Variants in MED9 observed in about 807,000 individuals in gnomAD.
MED9 encodes mediator of RNA polymerase II transcription subunit 9.
A neutral mutation model predicts 13.2 loss-of-function variants in MED9; 8 were observed. That is an observed-to-expected ratio of 0.61 (90% CI 0.36 to 1.10). The LOEUF is 1.10. Among genes scored for constraint, MED9 ranks in the 50% least tolerant of loss-of-function variants. MED9 has a pLI of 0.02. For missense variants in MED9, 180 were observed against 193.4 expected (o/e 0.93, Z 0.41); for synonymous variants, 87 against 82.8 (o/e 1.05, Z -0.28).
rs1000820978 is a variant in MED9 at position 17,491,490 on chromosome 17, G to A, written c.436G>A (p.Glu146Lys). ...CCTCTGCATGTTCGAAATCCCCAAG[G>A]AGTAGAGTGAGGCTGACTTCCTTAG... ...KSLCMFEIPK[E>K] Residue 146 changes from glutamate to lysine, a missense_variant, in exon 2 of 2, where the codon GAG becomes AAG. Transcript: ENST00000268711. 3.7e-6 allele frequency: 6 copies of A among 1,610,172 alleles called. No homozygotes were observed. Among genetic ancestry groups the A allele is most frequent in the Non-Finnish European group, 5.1e-6 (6 of 1,176,764 alleles).
rs150323027 is a variant in MED9 at position 17,491,387 on chromosome 17, C to G, written c.333C>G (p.Pro111=). The change falls in exon 2 of 2, where the codon CCC becomes CCG. Residue 111 remains proline, a synonymous_variant. Coordinates refer to ENST00000268711, the MANE Select transcript of MED9 (RefSeq NM_018019.3). ...ISTMPGIHLS[P]EQQQQQLQSL... ...CCATGCCCGGCATCCACCTGAGCCC[C>G]GAACAGCAGCAGCAGCAGCTGCAGA... The G allele has an allele frequency of 3.0e-5, 49 of 1,613,878 alleles. No individual in the cohort carries two copies. Among genetic ancestry groups the G allele is most frequent in the East Asian group, 4.5e-5 (2 of 44,894 alleles).
intron 1 of MED9, among the ~76,000 whole-genome samples, chr17:17,481,998 G>A (rs967284884): frequency 7.9e-5 from 12 of 152,078 alleles, no homozygotes; most frequent in East Asian, 1.9e-4. Flanking sequence ...AGTTGTAGAC[G>A]GATTCTACAA....
rs139702351 is a variant in MED9 at position 17,489,988 on chromosome 17, C to T, written c.225-1291C>T. ...CCATCTGGGTTGAAATTTCCCACTA[C>T]GGATGAACATTTATTTGAAAAAATT... On this transcript the variant is annotated intron_variant, in intron 1 of 1. Transcript: ENST00000268711. Among the ~76,000 whole-genome samples, 9 of 152,322 alleles carry T rather than the reference C, an allele frequency of 5.9e-5. No homozygotes were observed. The East Asian group carries it at 1.3e-3, about 23-fold the overall frequency.
intron 1 of MED9, chr17:17,485,419 CT>C: frequency 2.5e-6 from 1 of 397,628 alleles, no homozygotes; most frequent in Non-Finnish European, 4.4e-6. Context: ...CCTGCTCAGA[CT>C]TGGGTTTCTA....
chr17:17,491,824 G>C lies in MED9; in HGVS notation c.*329G>C. The C allele has an allele frequency of 2.7e-6, 1 of 370,608 alleles. No homozygotes were observed. Among genetic ancestry groups the C allele is most frequent in the South Asian group, 2.4e-5 (1 of 41,540 alleles). The allele number at this position is 370,608 out of a possible 1,614,324, so 23.0% of individuals were successfully genotyped here. ...GGGGAGGGGGCCATCTGCTGCGCCCGGCCCCACTGACAGATCTGAAGAGCA... is the reference window on the plus strand; with the variant it reads ...GGGGAGGGGGCCATCTGCTGCGCCCCGCCCCACTGACAGATCTGAAGAGCA... On this transcript the variant is annotated 3_prime_UTR_variant, in exon 2 of 2. Transcript: ENST00000268711.
chr17:17,478,492 C>T (rs1904967240), intron 1 of MED9, among the ~76,000 whole-genome samples: 1 of 152,210 alleles, frequency 6.6e-6, no homozygotes, highest in African/African-American at 2.4e-5. Context: ...TCTTCTGCCA[C>T]TTTTCAAATA....
rs570393409 is a variant in MED9, at chr17:17,483,198, AT to A, written c.224+5936del. Reference sequence around the variant, plus strand: ...CTCGCTTTTGAGTATTATAATCAGCATTTAATTAGTCTCTTTGCCTTTATGC... The same window carrying A: ...CTCGCTTTTGAGTATTATAATCAGCATTAATTAGTCTCTTTGCCTTTATGC... On this transcript the variant is annotated intron_variant, in intron 1 of 1. Coordinates refer to ENST00000268711, the MANE Select transcript of MED9 (RefSeq NM_018019.3). The surrounding 1 kb of genome is among the most constrained non-coding windows in gnomAD (Gnocchi z 4.2). Among the ~76,000 whole-genome samples the A allele has an allele frequency of 4.0e-3, 612 of 152,346 alleles. 5 individuals are homozygous for A. The highest frequency in any genetic ancestry group is 0.014 in the African/African-American group (583 of 41,570).
At chr17:17,486,763 G>C (rs1213369024) in intron 1 of MED9, 1 of 153,260 alleles carries the variant, frequency 6.5e-6, no homozygotes, top group Non-Finnish European at 1.5e-5. Flanking sequence ...CTGGTAGGCA[G>C]CTCCACCTGC....
At chr17:17,491,134 G>A in intron 1 of MED9, 145 bp from the exon 2 acceptor site, 1 of 752,182 alleles carries the variant, frequency 1.3e-6, no homozygotes, top group Non-Finnish European at 2.2e-6. Flanking sequence ...CTCTGGGGGT[G>A]GACAGCCTAG....
At chr17:17,489,923 C>T (rs900056058) in intron 1 of MED9, among the ~76,000 whole-genome samples, 4 of 152,204 alleles carry the variant, frequency 2.6e-5, no homozygotes, top group East Asian at 1.9e-4. Flanking sequence ...ATTCTGCCTG[C>T]GTAAGCAGAG....
rs1315616802 is a variant in MED9 at position 17,477,276 on chromosome 17, A to T, written c.224+11A>T. ...CAACATCATCAAATGGTAAGAACCT[A>T]GGAGAGGACCAGGCCCCATACTCCC... On this transcript the variant is annotated intron_variant, in intron 1 of 1. Transcript: ENST00000268711. 13 of 1,573,912 alleles carry T rather than the reference A, an allele frequency of 8.3e-6. No individual in the cohort carries two copies. The highest frequency in any genetic ancestry group is 9.5e-6 in the Non-Finnish European group (11 of 1,157,394).
At chr17:17,480,457 G>C (rs138559770) in intron 1 of MED9, among the ~76,000 whole-genome samples, 1 of 152,294 alleles carries the variant, frequency 6.6e-6, no homozygotes, top group Non-Finnish European at 1.5e-5. Context: ...TGAGTGGATG[G>C]CCAAGGTCAC....
chr17:17,488,754 A>C (rs1339555814), intron 1 of MED9, among the ~76,000 whole-genome samples: 1 of 151,640 alleles, frequency 6.6e-6, no homozygotes, highest in Non-Finnish European at 1.5e-5. Flanking sequence ...AATCACTTGA[A>C]CCCGGGAGGC....
intron 1 of MED9, among the ~76,000 whole-genome samples, chr17:17,482,688 T>C (rs1441319555): frequency 6.6e-6 from 1 of 152,214 alleles, no homozygotes; most frequent in Non-Finnish European, 1.5e-5. Flanking sequence ...TAGAAAGGCT[T>C]TCCCACTCTA....
chr17:17,491,202 A>C, intron 1 of MED9, 77 bp from the exon 2 acceptor site: 3 of 1,335,828 alleles, frequency 2.2e-6, no homozygotes, highest in South Asian at 2.4e-5. Flanking sequence ...AATGACAGCC[A>C]GCTCTAGGGG....
At chr17:17,486,989 C>G (rs1439186202) in intron 1 of MED9, 1 of 151,474 alleles carries the variant, frequency 6.6e-6, no homozygotes, top group Admixed American at 6.6e-5. Context: ...ATTGTAAATA[C>G]ACCAATCGGC....
chr17:17,489,350 A>G (rs1905191298), intron 1 of MED9, among the ~76,000 whole-genome samples: 1 of 152,324 alleles, frequency 6.6e-6, no homozygotes, highest in Non-Finnish European at 1.5e-5. Flanking sequence ...ACCCACTTTC[A>G]ACTTTCAGAA....
At chr17:17,485,087 C>G (rs1220115106) in intron 1 of MED9, 8 of 298,572 alleles carry the variant, frequency 2.7e-5, no homozygotes, top group Non-Finnish European at 4.9e-5. Context: ...TCACTGCAAT[C>G]TCTGGCTCCC....
intron 1 of MED9, among the ~76,000 whole-genome samples, chr17:17,477,911 AGG>A: frequency 6.6e-6 from 1 of 152,256 alleles, no homozygotes; most frequent in South Asian, 2.1e-4. Flanking sequence ...GCCAGCCTTC[AGG>A]GTAGCCTGAG....
Sources: gnomAD v4.1 joint callset for allele counts (sites outside exome capture counted in the v4.1 genomes callset) on GRCh38, gnomAD v4.1.1 for gene constraint, Gnocchi (gnomAD v3.1) non-coding constraint, MANE v1.5 for transcripts, NCBI Gene and HGNC (gene_info 2026-07-23, HGNC 2026-07-21) for gene names.